The following DNM2 variants were observed in gnomAD, a reference collection of about 807,000 sequenced individuals.
DNM2 encodes dynamin-2.
DNM2 carries 15 observed loss-of-function variants against 99.0 expected under a neutral mutation model. The observed-to-expected ratio is 0.15, with a 90% CI of 0.10 to 0.23. The LOEUF is 0.23. Ranked by LOEUF, DNM2 falls within the 10% of genes least tolerant of loss-of-function variation. DNM2 has a pLI of 1.00. For synonymous variants in DNM2, 525 were observed against 481.2 expected, an observed-to-expected ratio of 1.09 and a Z score of -1.19; for missense variants, 742 against 1,189.4, an observed-to-expected ratio of 0.62 and a Z score of 5.53.
chr19:10,784,492 C>A (rs1159006937), intron 6 of DNM2, among the ~76,000 whole-genome samples: 3 of 152,188 alleles, frequency 2.0e-5, no homozygotes, highest in African/African-American at 4.8e-5. Context: ...AGTGAAAAGT[C>A]CAGCTGGCCT....
intron 13 of DNM2, among the ~76,000 whole-genome samples, chr19:10,807,373 G>A (rs1358806982): frequency 6.6e-6 from 1 of 151,884 alleles, no homozygotes; most frequent in African/African-American, 2.4e-5. Context: ...CTGAGTAGCT[G>A]GGATTACAGG....
At chr19:10,734,503 G>C (rs1199772959) in intron 1 of DNM2, among the ~76,000 whole-genome samples, 1 of 151,320 alleles carries the variant, frequency 6.6e-6, no homozygotes, top group African/African-American at 2.4e-5. Flanking sequence ...GCTTGGCCTG[G>C]TGGTGCTCAC....
At chr19:10,731,364 T>C (rs544247211) in intron 1 of DNM2, among the ~76,000 whole-genome samples, 6 of 151,008 alleles carry the variant, frequency 4.0e-5, no homozygotes, top group Non-Finnish European at 8.9e-5. Flanking sequence ...CTTTTTTTTT[T>C]TTTTTTTGAG....
rs34624666 is a variant in DNM2, at chr19:10,733,191, G to GTT, written c.161+14804_161+14805dup. Among the ~76,000 whole-genome samples the GTT allele has an allele frequency of 4.8e-4, 60 of 123,748 alleles. No homozygotes were observed. The East Asian group carries it at 7.2e-3, about 15-fold the overall frequency. The allele number at this position is 123,748 out of a possible 152,430, so 81.2% of individuals were successfully genotyped here. Reference sequence around the variant, plus strand: ...GAGCCACCGCGCCTGGGCTGGTGTGGTTTTTTTTTTTTTTTTTGGAGACAG... The same window carrying GTT: ...GAGCCACCGCGCCTGGGCTGGTGTGGTTTTTTTTTTTTTTTTTTTGGAGACAG... On this transcript the variant is annotated intron_variant, in intron 1 of 20. Transcript: ENST00000389253.
intron 1 of DNM2, among the ~76,000 whole-genome samples, chr19:10,719,723 G>A (rs958895364): frequency 2.0e-5 from 3 of 152,084 alleles, no homozygotes; most frequent in Non-Finnish European, 2.9e-5. Context: ...TGTTATTGTT[G>A]TTATCATTGT....
chr19:10,746,543 C>A (rs1474542591), intron 1 of DNM2, among the ~76,000 whole-genome samples: 1 of 152,044 alleles, frequency 6.6e-6, no homozygotes, highest in Non-Finnish European at 1.5e-5. Flanking sequence ...CCCACCTCAG[C>A]CTCCCGAGTA....
chr19:10,797,652 C>T (rs916907608), intron 10 of DNM2, 134 bp downstream of exon 10: 52 of 1,378,846 alleles, frequency 3.8e-5, no homozygotes, highest in South Asian at 2.6e-4. Context: ...TTAGAGATGT[C>T]GCCACCTTGC....
rs759626404 is a variant in DNM2, at chr19:10,831,307, G to C, written c.*260G>C. On this transcript the variant is annotated 3_prime_UTR_variant, in exon 21 of 21. Transcript: ENST00000389253. The surrounding 1 kb of genome is among the most constrained non-coding windows in gnomAD (Gnocchi z 4.3). ...GGGATGGAGTCTCAGGGTGGCAGAG[G>C]GGGGACCAGAACCCTTGACACCATC... is the stretch of plus-strand genomic sequence containing the variant. 1.5e-5 allele frequency: 19 copies of C among 1,273,166 alleles called. No individual in the cohort carries two copies. The highest frequency in any genetic ancestry group is 1.8e-5 in the Non-Finnish European group (18 of 1,010,030). 78.9% of individuals were successfully genotyped at this position (1,273,166 alleles called of 1,614,324 possible). A position where few individuals can be genotyped will look rare whatever the true frequency, so the allele number is the denominator to read the frequency against.
chr19:10,824,926 G>A, intron 17 of DNM2, 131 bp from the exon 18 acceptor site: 1 of 1,440,124 alleles, frequency 6.9e-7, no homozygotes, highest in South Asian at 1.2e-5. Flanking sequence ...AGGCCTATCT[G>A]GTGCCAGTGG....
rs117159625 is a variant in DNM2 at position 10,816,276 on chromosome 19, C to T, written c.1672-3704C>T. Among the ~76,000 whole-genome samples, 7,288 of 152,186 alleles carry T rather than the reference C, an allele frequency of 0.048. 232 individuals are homozygous for T. The highest frequency in any genetic ancestry group is 0.13 in the Middle Eastern group (39 of 294). On this transcript the variant is annotated intron_variant, in intron 15 of 20. Coordinates refer to ENST00000389253, the MANE Select transcript of DNM2 (RefSeq NM_001005361.3). The surrounding 1 kb of genome is among the most constrained non-coding windows in gnomAD (Gnocchi z 4.6). ...TTGGGGGTGAAAGGATCATCCCGCT[C>T]CACATGAGGCCAGACGCTCATCTCT...
At chr19:10,819,817 G>C (rs984498280) in intron 15 of DNM2, among the ~76,000 whole-genome samples, 163 bp from the exon 16 acceptor site, 11 of 152,202 alleles carry the variant, frequency 7.2e-5, no homozygotes, top group Non-Finnish European at 1.5e-5. Flanking sequence ...GGCTGGGACA[G>C]AGTGACGGAC....
At chr19:10,779,226 A>AAT (rs2071260741) in intron 5 of DNM2, among the ~76,000 whole-genome samples, 1 of 151,750 alleles carries the variant, frequency 6.6e-6, no homozygotes, top group Non-Finnish European at 1.5e-5. Context: ...AAAAAAAAAA[A>AAT]AAAGAAAAAT....
At chr19:10,751,514 ACTC>A (rs2070193604) in intron 1 of DNM2, among the ~76,000 whole-genome samples, 1 of 151,780 alleles carries the variant, frequency 6.6e-6, no homozygotes, top group Non-Finnish European at 1.5e-5. Flanking sequence ...GGCTCCAAGT[ACTC>A]CTGCTGCTGT....
chr19:10,783,337 C>T (rs1197678954), intron 6 of DNM2, among the ~76,000 whole-genome samples: 1 of 152,206 alleles, frequency 6.6e-6, no homozygotes, highest in Non-Finnish European at 1.5e-5. Context: ...CATGGTGGCA[C>T]ATGCCTGTAG....
At chr19:10,790,224 T>C (rs2071703332) in intron 7 of DNM2, among the ~76,000 whole-genome samples, 1 of 152,244 alleles carries the variant, frequency 6.6e-6, no homozygotes, top group South Asian at 2.1e-4. Flanking sequence ...CCTGGAGCCT[T>C]CTGTCTCCGC....
intron 4 of DNM2, among the ~76,000 whole-genome samples, 167 bp from the exon 5 acceptor site, chr19:10,776,951 T>C (rs766604367): frequency 6.6e-6 from 1 of 152,194 alleles, no homozygotes; most frequent in Admixed American, 6.5e-5. Flanking sequence ...GTGACCATCT[T>C]CATTCGACAT....
At chr19:10,800,233 GC>G (rs2072088773) in intron 11 of DNM2, among the ~76,000 whole-genome samples, 1 of 152,136 alleles carries the variant, frequency 6.6e-6, no homozygotes, top group Non-Finnish European at 1.5e-5. Flanking sequence ...GCTTAATTAA[GC>G]CCTTGCTTGC....
In DNM2 at chr19:10,796,759, C is replaced by T. The variant is rs982955618; in HGVS notation, c.1197-621C>T. ...CCCAGGGGCAGCCCATTTTTGGATCCACTTAGTCACAGTGCCTCTATGCGC... is the reference window on the plus strand; with the variant it reads ...CCCAGGGGCAGCCCATTTTTGGATCTACTTAGTCACAGTGCCTCTATGCGC... On this transcript the variant is annotated intron_variant, in intron 9 of 20. Coordinates refer to ENST00000389253, the MANE Select transcript of DNM2 (RefSeq NM_001005361.3). The surrounding 1 kb of genome is among the most constrained non-coding windows in gnomAD (Gnocchi z 5.6). 6.6e-6 allele frequency among the ~76,000 whole-genome samples: 1 copy of T among 152,238 alleles called. No homozygotes were observed. The highest frequency in any genetic ancestry group is 1.9e-4 in the East Asian group (1 of 5,146).
At chr19:10,769,893 A>C (rs2070920210) in intron 2 of DNM2, among the ~76,000 whole-genome samples, 1 of 152,190 alleles carries the variant, frequency 6.6e-6, no homozygotes, top group African/African-American at 2.4e-5. Context: ...AATTTCAAAG[A>C]GGCGAAGTTC....
Sources: allele counts gnomAD v4.1 joint callset (sites outside exome capture counted in the v4.1 genomes callset), GRCh38; gene constraint gnomAD v4.1.1; non-coding constraint Gnocchi (gnomAD v3.1); transcripts MANE v1.5; gene names NCBI Gene and HGNC (gene_info 2026-07-23, HGNC 2026-07-21).